The following BLK variants were observed in gnomAD, a reference collection of about 807,000 sequenced individuals.
BLK encodes BLK proto-oncogene, Src family tyrosine kinase.
BLK carries 64 observed loss-of-function variants against 61.8 expected under a neutral mutation model. The ratio of observed to expected loss-of-function variants is 1.03; its 90% CI spans 0.85 to 1.27. The LOEUF is 1.27. BLK is among the 50% of genes most tolerant of loss of function. The pLI is 0.00. For synonymous variants in BLK, 351 were observed against 272.0 expected, an observed-to-expected ratio of 1.29 and a Z score of -2.86; for missense variants, 853 against 660.5, an observed-to-expected ratio of 1.29 and a Z score of -3.19.
intron 1 of BLK, among the ~76,000 whole-genome samples, chr8:11,514,773 T>A (rs1041867241): frequency 1.3e-5 from 2 of 152,276 alleles, no homozygotes; most frequent in South Asian, 4.2e-4. Flanking sequence ...TGGCTGAGCA[T>A]CAGAATGGGG....
intron 1 of BLK, among the ~76,000 whole-genome samples, chr8:11,499,020 T>C (rs1474527389): frequency 1.3e-5 from 2 of 152,324 alleles, no homozygotes; most frequent in East Asian, 3.9e-4. Context: ...TGTTGTTGTT[T>C]CTCAAAAGAG....
chr8:11,536,988 A>C (rs1363114729), intron 1 of BLK, among the ~76,000 whole-genome samples: 1 of 152,134 alleles, frequency 6.6e-6, no homozygotes, highest in Admixed American at 6.5e-5. Context: ...TATGCCTGAC[A>C]TAGTTCATGG....
intron 10 of BLK, chr8:11,558,498 C>A: frequency 2.7e-6 from 1 of 374,326 alleles, no homozygotes; most frequent in South Asian, 2.0e-5. Context: ...TGGCGTCGAC[C>A]CCAGGCTGAT....
chr8:11,530,885 G>C (rs372576675), intron 1 of BLK, among the ~76,000 whole-genome samples: 1 of 152,210 alleles, frequency 6.6e-6, no homozygotes, highest in Non-Finnish European at 1.5e-5. Context: ...TAAGCAACAA[G>C]AAGTGAAATA....
rs547109926 is a variant in BLK, at chr8:11,550,314, C to T, written c.472+52C>T. The T allele has an allele frequency of 1.4e-5, 22 of 1,564,020 alleles. No homozygotes were observed. In the African/African-American group the frequency reaches 1.8e-4, roughly 13 times the overall value. On this transcript the variant is annotated intron_variant, in intron 6 of 12. Coordinates refer to ENST00000259089, the MANE Select transcript of BLK (RefSeq NM_001715.3). ...CCTTGCCCTGCTCCTCCCGGGAAGGCGCCTCCAGAGGCCTGGCCCTGGAGT... is the reference window on the plus strand; with the variant it reads ...CCTTGCCCTGCTCCTCCCGGGAAGGTGCCTCCAGAGGCCTGGCCCTGGAGT...
At chr8:11,501,600 T>C (rs1466072523) in intron 1 of BLK, among the ~76,000 whole-genome samples, 1 of 152,252 alleles carries the variant, frequency 6.6e-6, no homozygotes, top group Non-Finnish European at 1.5e-5. Flanking sequence ...ATATAAAGGA[T>C]GCGTAGCACT....
intron 11 of BLK, among the ~76,000 whole-genome samples, chr8:11,562,276 C>T (rs1207023205): frequency 7.9e-5 from 12 of 152,150 alleles, no homozygotes; most frequent in Admixed American, 1.3e-4. Flanking sequence ...TGGAAATCTA[C>T]GTCACAAGAG....
chr8:11,498,214 C>G (rs1798426797), intron 1 of BLK, among the ~76,000 whole-genome samples: 1 of 152,184 alleles, frequency 6.6e-6, no homozygotes, highest in African/African-American at 2.4e-5. Context: ...AGGAGGCTCC[C>G]ATGCTCAGGT....
chr8:11,552,390 GAT>G (rs1800946070), intron 6 of BLK: 1 of 152,160 alleles, frequency 6.6e-6, no homozygotes, highest in South Asian at 2.1e-4. Context: ...CATACACATA[GAT>G]ATATGCATTT....
intron 1 of BLK, among the ~76,000 whole-genome samples, chr8:11,541,426 A>G (rs1455407331): frequency 2.0e-5 from 3 of 152,174 alleles, no homozygotes; most frequent in African/African-American, 7.2e-5. Flanking sequence ...AACATACATC[A>G]TATTGATCGA....
At chr8:11,528,299 G>T (rs1299455724) in intron 1 of BLK, among the ~76,000 whole-genome samples, 1 of 152,136 alleles carries the variant, frequency 6.6e-6, no homozygotes. Context: ...GCCTCCCAAA[G>T]TGCTGGAATT....
At chr8:11,496,323 C>G (rs1457174024) in intron 1 of BLK, among the ~76,000 whole-genome samples, 1 of 152,162 alleles carries the variant, frequency 6.6e-6, no homozygotes, top group African/African-American at 2.4e-5. Context: ...CACTGCAGCA[C>G]TGACCTCCTG....
chr8:11,561,556 T>C (rs746047142), intron 11 of BLK, 104 bp downstream of exon 11: 1 of 1,422,024 alleles, frequency 7.0e-7, no homozygotes, highest in African/African-American at 1.4e-5. Flanking sequence ...GGAAGACACC[T>C]GAGGGCTATA....
chr8:11,510,951 A>C (rs1798979112), intron 1 of BLK, among the ~76,000 whole-genome samples: 1 of 152,214 alleles, frequency 6.6e-6, no homozygotes, highest in Admixed American at 6.5e-5. Context: ...ACTAAAGGAA[A>C]TGCTTTGGCA....
intron 1 of BLK, among the ~76,000 whole-genome samples, chr8:11,532,654 C>A (rs907877269): frequency 6.6e-6 from 1 of 151,858 alleles, no homozygotes; most frequent in Non-Finnish European, 1.5e-5. Flanking sequence ...TTTGTCATTT[C>A]TGTTTTAAGG....
chr8:11,505,780 G>A (rs904335163), intron 1 of BLK, among the ~76,000 whole-genome samples: 8 of 152,166 alleles, frequency 5.3e-5, no homozygotes, highest in African/African-American at 1.9e-4. Flanking sequence ...GGAGTGGACA[G>A]TCTGGGTCTC....
chr8:11,496,386 C>T (rs896586715), intron 1 of BLK, among the ~76,000 whole-genome samples: 4 of 152,228 alleles, frequency 2.6e-5, no homozygotes, highest in South Asian at 2.1e-4. Flanking sequence ...ACCACAGGTA[C>T]GCCACTGTAT....
At chr8:11,534,774 C>A (rs145056329) in intron 1 of BLK, among the ~76,000 whole-genome samples, 1 of 152,206 alleles carries the variant, frequency 6.6e-6, no homozygotes, top group Admixed American at 6.5e-5. Context: ...AGGGGCCACA[C>A]GTGCCCAAGG....
intron 1 of BLK, among the ~76,000 whole-genome samples, chr8:11,513,813 C>G (rs752201333): frequency 4.6e-5 from 7 of 152,144 alleles, no homozygotes; most frequent in Non-Finnish European, 1.0e-4. Context: ...GGCGGGCAGT[C>G]CACACCACCG....
Sources: allele counts gnomAD v4.1 joint callset (sites outside exome capture counted in the v4.1 genomes callset), GRCh38; gene constraint gnomAD v4.1.1; transcripts MANE v1.5; gene names NCBI Gene and HGNC (gene_info 2026-07-23, HGNC 2026-07-21).